Variants in ZSCAN5A observed in about 807,000 individuals in gnomAD.
ZSCAN5A encodes the protein zinc finger and SCAN domain-containing protein 5A.
In ZSCAN5A, 12 loss-of-function variants were observed where a neutral mutation model predicts 23.7. The ratio of observed to expected loss-of-function variants is 0.51; its 90% CI spans 0.32 to 0.82. ZSCAN5A has a LOEUF of 0.82. Among genes scored for constraint, ZSCAN5A ranks in the 40% least tolerant of loss-of-function variants. The pLI is 0.03. For synonymous variants in ZSCAN5A, 257 were observed against 239.9 expected (o/e 1.07, Z -0.66); for missense variants, 597 against 617.9 (o/e 0.97, Z 0.36).
chr19:56,339,050 T>C (rs1026163657), intron 2 of ZSCAN5A, among the ~76,000 whole-genome samples: 1 of 152,260 alleles, frequency 6.6e-6, no homozygotes, highest in Non-Finnish European at 1.5e-5. Flanking sequence ...GACCTGGGCA[T>C]TGTCATCTTT....
intron 2 of ZSCAN5A, chr19:56,298,331 C>G (rs1422360084): frequency 6.6e-6 from 1 of 151,862 alleles, no homozygotes; most frequent in Non-Finnish European, 1.5e-5. Flanking sequence ...TTACCAAAAA[C>G]AAATGAAATG....
At chr19:56,342,797 G>T (rs2041604396) in intron 2 of ZSCAN5A, 3 of 757,398 alleles carry the variant, frequency 4.0e-6, no homozygotes. Flanking sequence ...GTACTGAACT[G>T]GGACCAATCA....
chr19:56,335,373 T>C (rs952972842), intron 2 of ZSCAN5A, among the ~76,000 whole-genome samples: 2 of 152,170 alleles, frequency 1.3e-5, no homozygotes, highest in African/African-American at 2.4e-5. Context: ...AAAACATATT[T>C]TAGGATATCA....
intron 2 of ZSCAN5A, among the ~76,000 whole-genome samples, chr19:56,335,316 T>TATGTCTGGTG (rs1393025657): frequency 6.6e-6 from 1 of 151,902 alleles, no homozygotes; most frequent in Non-Finnish European, 1.5e-5. Flanking sequence ...AGAACAAATC[T>TATGTCTGGTG]ATGTCTGGTG....
At chr19:56,275,318 ATTCC>A (rs2038165637) in intron 2 of ZSCAN5A, among the ~76,000 whole-genome samples, 1 of 152,168 alleles carries the variant, frequency 6.6e-6, no homozygotes, top group Non-Finnish European at 1.5e-5. Context: ...GTGATTTTCT[ATTCC>A]CCTTATTCAT....
At chr19:56,349,561 C>T (rs771519380) in intron 2 of ZSCAN5A, among the ~76,000 whole-genome samples, 15 of 151,750 alleles carry the variant, frequency 9.9e-5, no homozygotes, top group African/African-American at 2.9e-4. Flanking sequence ...TCAAATTAGC[C>T]GGGTGCAGTG....
chr19:56,270,300 C>T (rs1350503553), intron 2 of ZSCAN5A, among the ~76,000 whole-genome samples: 1 of 152,156 alleles, frequency 6.6e-6, no homozygotes, highest in African/African-American at 2.4e-5. Flanking sequence ...CGCCTGTAAT[C>T]CCAGCTACTC....
At chr19:56,302,211 T>C in intron 2 of ZSCAN5A, 2 of 602,548 alleles carry the variant, frequency 3.3e-6, no homozygotes, top group Non-Finnish European at 4.8e-6. Context: ...CAGGAAGTGG[T>C]GGGAGAGCCC....
At chr19:56,237,605 A>G (rs895973461) in intron 2 of ZSCAN5A, among the ~76,000 whole-genome samples, 1 of 152,132 alleles carries the variant, frequency 6.6e-6, no homozygotes. Context: ...ACTGTATCGC[A>G]TACTTGAAAT....
chr19:56,273,717 T>C (rs572066480), intron 2 of ZSCAN5A, among the ~76,000 whole-genome samples: 8 of 151,852 alleles, frequency 5.3e-5, no homozygotes, highest in African/African-American at 1.9e-4. Flanking sequence ...GGCATGGTGG[T>C]GAGACTGTTA....
intron 2 of ZSCAN5A, among the ~76,000 whole-genome samples, chr19:56,247,645 G>A (rs1365003870): frequency 1.3e-5 from 2 of 152,136 alleles, no homozygotes; most frequent in African/African-American, 2.4e-5. Context: ...GTTTCATTAG[G>A]TCCATTGTTT....
intron 2 of ZSCAN5A, chr19:56,295,017 G>C (rs1568712753): frequency 6.6e-6 from 1 of 152,216 alleles, no homozygotes; most frequent in African/African-American, 2.4e-5. Flanking sequence ...ACTGCTCAGG[G>C]GCACCAGGTT....
chr19:56,340,332 G>A (rs1025334949), intron 2 of ZSCAN5A, among the ~76,000 whole-genome samples: 1 of 152,186 alleles, frequency 6.6e-6, no homozygotes, highest in Non-Finnish European at 1.5e-5. Flanking sequence ...AGTGGAGCCA[G>A]CAGGGCAGCT....
chr19:56,302,545 G>GTCCCTCCCTCCCTCCCCCCTTCCTTTTC (rs2040355096), intron 2 of ZSCAN5A, among the ~76,000 whole-genome samples: 1 of 21,590 alleles, frequency 4.6e-5, no homozygotes, highest in Non-Finnish European at 9.7e-5. Context: ...CTTCCTCCCC[G>GTCCCTCCCTCCCTCCCCCCTTCCTTTTC]TTCCTCCCTC....
intron 2 of ZSCAN5A, among the ~76,000 whole-genome samples, chr19:56,330,308 TC>T (rs1447973369): frequency 2.0e-5 from 3 of 152,232 alleles, no homozygotes; most frequent in African/African-American, 7.2e-5. Flanking sequence ...GGTGCATGTG[TC>T]TTTTTGGTAC....
chr19:56,233,052 G>C (rs1364834571), intron 2 of ZSCAN5A, among the ~76,000 whole-genome samples: 1 of 152,188 alleles, frequency 6.6e-6, no homozygotes, highest in African/African-American at 2.4e-5. Context: ...ACTCTATGAA[G>C]GCAGAGGCAT....
At chr19:56,330,794 T>C (rs1390442012) in intron 2 of ZSCAN5A, among the ~76,000 whole-genome samples, 1 of 152,078 alleles carries the variant, frequency 6.6e-6, no homozygotes, top group Admixed American at 6.5e-5. Context: ...TACTCTGTTA[T>C]TAGTTTCGTT....
rs74890097 is a variant in ZSCAN5A, at chr19:56,225,235, G to A, written c.-127-62C>T. On this transcript the variant is annotated intron_variant, in intron 2 of 5. Transcript: ENST00000683990. ...TACTACTCCATCCATCCCTCCCTTC[G>A]AAATCCCTCATCCTGGATGCCACTT... 606 of 1,382,518 alleles carry A rather than the reference G, an allele frequency of 4.4e-4. 2 individuals carry two copies. In the African/African-American group the frequency reaches 7.7e-3, roughly 18 times the overall value. 85.6% of individuals were successfully genotyped at this position (1,382,518 alleles called of 1,614,324 possible).
At chr19:56,287,244 T>C (rs1397612795) in intron 2 of ZSCAN5A, among the ~76,000 whole-genome samples, 1 of 152,200 alleles carries the variant, frequency 6.6e-6, no homozygotes. Context: ...GAAGTAGAAC[T>C]CTCCTCCGGG....
Sources: allele counts gnomAD v4.1 joint callset (sites outside exome capture counted in the v4.1 genomes callset), GRCh38; gene constraint gnomAD v4.1.1; transcripts MANE v1.5; gene names NCBI Gene and HGNC (gene_info 2026-07-23, HGNC 2026-07-21).